ADAM12: variants seen among roughly 807,000 people sequenced by gnomAD.
The protein encoded by ADAM12 is disintegrin and metalloproteinase domain-containing protein 12.
ADAM12 carries 70 observed loss-of-function variants against 106.4 expected under a neutral mutation model. The observed-to-expected ratio is 0.66, with a 90% CI of 0.54 to 0.80. ADAM12 has a LOEUF of 0.80. ADAM12 is among the 30% of genes least tolerant of loss of function. ADAM12 has a pLI of 0.00. For synonymous variants in ADAM12, 420 were observed against 433.5 expected (o/e 0.97, Z 0.39); for missense variants, 1,010 against 1,171.9 (o/e 0.86, Z 2.02).
At chr10:126,335,994 C>A (rs918160136) in intron 1 of ADAM12, among the ~76,000 whole-genome samples, 2 of 152,206 alleles carry the variant, frequency 1.3e-5, no homozygotes, top group Non-Finnish European at 2.9e-5. Flanking sequence ...GTCTGAGGTA[C>A]TGTCACAGAC....
At chr10:126,018,057 T>G (rs1299310449) in intron 22 of ADAM12, among the ~76,000 whole-genome samples, 1 of 152,250 alleles carries the variant, frequency 6.6e-6, no homozygotes, top group African/African-American at 2.4e-5. Flanking sequence ...AGTTGGGAAT[T>G]AAACAATTGT....
At chr10:126,087,913 G>A (rs970052775) in intron 11 of ADAM12, among the ~76,000 whole-genome samples, 5 of 152,122 alleles carry the variant, frequency 3.3e-5, no homozygotes, top group Non-Finnish European at 7.3e-5. Context: ...CACAGTATGA[G>A]GTAGGAATTT....
At chr10:126,098,125 G>A (rs1204025488) in intron 10 of ADAM12, among the ~76,000 whole-genome samples, 2 of 152,194 alleles carry the variant, frequency 1.3e-5, no homozygotes, top group South Asian at 2.1e-4. Context: ...CCAGTGCTGC[G>A]AGGAATTCCT....
chr10:126,221,844 G>A (rs1958100495), intron 3 of ADAM12, among the ~76,000 whole-genome samples: 1 of 152,218 alleles, frequency 6.6e-6, no homozygotes, highest in Non-Finnish European at 1.5e-5. Flanking sequence ...TATGTTAAAA[G>A]AGTAACCAAA....
intron 21 of ADAM12, among the ~76,000 whole-genome samples, chr10:126,029,801 T>C (rs1436357380): frequency 1.3e-5 from 2 of 152,350 alleles, no homozygotes; most frequent in South Asian, 2.1e-4. Context: ...AAGTATTTCC[T>C]ATGAAGAAAA....
At chr10:126,139,049 C>T (rs1010520815) in intron 4 of ADAM12, among the ~76,000 whole-genome samples, 1 of 152,096 alleles carries the variant, frequency 6.6e-6, no homozygotes, top group Non-Finnish European at 1.5e-5. Flanking sequence ...TCAAAGGTTT[C>T]TAGGTTATCA....
chr10:126,383,564 C>T (rs1007161961), intron 1 of ADAM12, among the ~76,000 whole-genome samples: 11 of 151,872 alleles, frequency 7.2e-5, no homozygotes, highest in Non-Finnish European at 1.3e-4. Flanking sequence ...AATCATAAAA[C>T]GCAAAAATAC....
chr10:126,104,171 T>C (rs1178322846), intron 8 of ADAM12, among the ~76,000 whole-genome samples: 1 of 152,116 alleles, frequency 6.6e-6, no homozygotes, highest in Non-Finnish European at 1.5e-5. Flanking sequence ...ACACAGAGGC[T>C]GGACATGGTG....
chr10:126,143,499 G>A (rs1443610002), intron 4 of ADAM12, among the ~76,000 whole-genome samples: 1 of 151,656 alleles, frequency 6.6e-6, no homozygotes, highest in Non-Finnish European at 1.5e-5. Flanking sequence ...ATATGTATAT[G>A]TGTGGATGTG....
At chr10:126,354,774 A>T (rs917731268) in intron 1 of ADAM12, among the ~76,000 whole-genome samples, 1 of 151,466 alleles carries the variant, frequency 6.6e-6, no homozygotes, top group Non-Finnish European at 1.5e-5. Flanking sequence ...AGAACTGACT[A>T]TGGCAAGATT....
At chr10:126,344,973 G>C (rs1855079801) in intron 1 of ADAM12, among the ~76,000 whole-genome samples, 1 of 152,078 alleles carries the variant, frequency 6.6e-6, no homozygotes, top group African/African-American at 2.4e-5. Context: ...CTGCAAACAG[G>C]GACAATTTGA....
chr10:126,031,814 G>A lies in ADAM12; in HGVS notation c.2529+4332C>T, dbSNP rs146392599. On this transcript the variant is annotated intron_variant, in intron 21 of 22. Transcript: ENST00000448723. ...CACTGAACTGAAGATCTCCACCTCTGCAGAAAATGCATAGAGCCTTCTTTA... is the reference window on the plus strand; with the variant it reads ...CACTGAACTGAAGATCTCCACCTCTACAGAAAATGCATAGAGCCTTCTTTA... 2.0e-4 allele frequency among the ~76,000 whole-genome samples: 30 copies of A among 152,284 alleles called. No individual in the cohort carries two copies. The East Asian group carries it at 4.8e-3, about 24-fold the overall frequency.
At chr10:126,089,090 C>T (rs1464159166) in intron 11 of ADAM12, among the ~76,000 whole-genome samples, 1 of 152,164 alleles carries the variant, frequency 6.6e-6, no homozygotes, top group African/African-American at 2.4e-5. Context: ...ACACACTCGT[C>T]AGTTGAAGCC....
chr10:126,350,465 C>T (rs549244008), intron 1 of ADAM12, among the ~76,000 whole-genome samples: 9 of 152,190 alleles, frequency 5.9e-5, no homozygotes, highest in South Asian at 2.1e-4. Context: ...AATTCAGCCC[C>T]GGGACAGAGA....
chr10:126,029,101 G>C (rs972055349), intron 21 of ADAM12, among the ~76,000 whole-genome samples: 1 of 152,112 alleles, frequency 6.6e-6, no homozygotes, highest in African/African-American at 2.4e-5. Flanking sequence ...GTTAACAGAT[G>C]CTAGAAAGGT....
At chr10:126,095,755 C>T (rs1202996188) in intron 10 of ADAM12, among the ~76,000 whole-genome samples, 3 of 152,074 alleles carry the variant, frequency 2.0e-5, no homozygotes, top group Admixed American at 6.6e-5. Flanking sequence ...AGTCCTCACC[C>T]TCAAGAAGCC....
At chr10:126,215,035 GC>G (rs987140014) in intron 3 of ADAM12, among the ~76,000 whole-genome samples, 1 of 152,150 alleles carries the variant, frequency 6.6e-6, no homozygotes, top group African/African-American at 2.4e-5. Context: ...CCTGGTCCAA[GC>G]CCCTGGGGCT....
intron 2 of ADAM12, among the ~76,000 whole-genome samples, chr10:126,305,809 A>C (rs1223080054): frequency 1.3e-5 from 2 of 152,092 alleles, no homozygotes; most frequent in East Asian, 3.8e-4. Context: ...TCATTTTATT[A>C]TTATGAGATA....
intron 3 of ADAM12, among the ~76,000 whole-genome samples, chr10:126,225,785 G>A (rs12569624): frequency 0.076 from 11,634 of 152,152 alleles, 936 homozygotes; most frequent in African/African-American, 0.17. Context: ...GGCTGGGAAC[G>A]TTGCTCCTCT....
Sources: allele counts gnomAD v4.1 joint callset (sites outside exome capture counted in the v4.1 genomes callset), GRCh38; gene constraint gnomAD v4.1.1; transcripts MANE v1.5; gene names NCBI Gene and HGNC (gene_info 2026-07-23, HGNC 2026-07-21).